The following CAMTA1 variants were observed in gnomAD, a reference collection of about 807,000 sequenced individuals.
CAMTA1 encodes calmodulin binding transcription activator 1.
In CAMTA1, 27 loss-of-function variants were observed where a neutral mutation model predicts 170.9. The observed-to-expected ratio is 0.16, with a 90% CI of 0.12 to 0.22. The LOEUF (loss-of-function observed/expected upper bound fraction) is 0.22. Ranked by LOEUF, CAMTA1 falls within the 10% of genes least tolerant of loss-of-function variation. The pLI, the probability that CAMTA1 is intolerant of heterozygous loss-of-function variation, is 1.00. For synonymous variants in CAMTA1, 833 were observed against 891.5 expected (o/e 0.93, Z 1.17); for missense variants, 1,619 against 2,217.2 (o/e 0.73, Z 5.42).
intron 5 of CAMTA1, among the ~76,000 whole-genome samples, chr1:7,329,024 C>T (rs1427495567): frequency 6.6e-6 from 1 of 152,042 alleles, no homozygotes; most frequent in Non-Finnish European, 1.5e-5. Context: ...TATGACCTTG[C>T]ACTCCAAAAG....
In CAMTA1 at chr1:7,470,318, C is replaced by A. The variant is rs374773693; in HGVS notation, c.510+2417C>A. ...CCCAGAGCCTATGTGGCAGCCGGTG[C>A]CGCTCAGGGCAATTTGTTCTGGTGC... is the stretch of plus-strand genomic sequence containing the variant. On this transcript the variant is annotated intron_variant, in intron 6 of 22. Coordinates refer to ENST00000303635, the MANE Select transcript of CAMTA1 (RefSeq NM_015215.4). Among the ~76,000 whole-genome samples, 47 of 152,358 alleles carry A rather than the reference C, an allele frequency of 3.1e-4. 1 individual carries two copies. The South Asian group carries it at 5.4e-3, about 17-fold the overall frequency.
chr1:7,250,586 T>C (rs1427034102), intron 5 of CAMTA1, among the ~76,000 whole-genome samples: 1 of 152,216 alleles, frequency 6.6e-6, no homozygotes, highest in African/African-American at 2.4e-5. Flanking sequence ...TTGAATTCAA[T>C]GTGTTACCCT....
At chr1:6,903,223 C>G (rs924493275) in intron 3 of CAMTA1, among the ~76,000 whole-genome samples, 25 of 152,252 alleles carry the variant, frequency 1.6e-4, no homozygotes, top group African/African-American at 5.8e-4. Flanking sequence ...CTATGGTGAT[C>G]AAAAGTGTTT....
chr1:6,841,633 G>C lies in CAMTA1; in HGVS notation c.234+16423G>C, dbSNP rs949143879. 4.3e-4 allele frequency among the ~76,000 whole-genome samples: 65 copies of C among 152,070 alleles called. 4 individuals are homozygous for C. Among genetic ancestry groups the C allele is most frequent in the Non-Finnish European group, 1.5e-5 (1 of 68,016 alleles). On this transcript the variant is annotated intron_variant, in intron 3 of 22. Transcript: ENST00000303635. The stretch of plus-strand genomic sequence containing the variant: ...AAGAATTACAAAGGAAAAGCACAGA[G>C]GACAGCTCTGAGAGGATGAAATGGG...
chr1:7,272,708 A>AG (rs1553297800), intron 5 of CAMTA1, among the ~76,000 whole-genome samples: 24 of 147,262 alleles, frequency 1.6e-4, no homozygotes, highest in East Asian at 3.9e-4. Context: ...AAAAAAAAAA[A>AG]AAAAAAAAGA....
chr1:6,802,840 TC>T (rs1644039397), intron 1 of CAMTA1, among the ~76,000 whole-genome samples: 1 of 152,070 alleles, frequency 6.6e-6, no homozygotes, highest in African/African-American at 2.4e-5. Flanking sequence ...GCTCAAGTGA[TC>T]CTCCCACCTC....
intron 1 of CAMTA1, among the ~76,000 whole-genome samples, chr1:6,798,240 G>T (rs188066414): frequency 1.3e-5 from 2 of 151,528 alleles, no homozygotes; most frequent in East Asian, 2.0e-4. Context: ...CACCCACCTC[G>T]GCCTCCCAAA....
At chr1:7,640,652 G>A in intron 7 of CAMTA1, 99 bp downstream of exon 7, 3 of 1,369,234 alleles carry the variant, frequency 2.2e-6, no homozygotes, top group South Asian at 1.2e-5. Context: ...GGGGATGCGG[G>A]TCCGGAGCCC....
At position 7,446,801 on chromosome 1, in the gene CAMTA1, G is replaced by A. The variant is rs528019832; in HGVS notation, c.439-21029G>A. 3.0e-4 allele frequency among the ~76,000 whole-genome samples: 46 copies of A among 152,356 alleles called. No individual in the cohort carries two copies. In the South Asian group the frequency reaches 9.5e-3, roughly 32 times the overall value. Reference sequence around the variant, plus strand: ...AAACCCTTGACATCCCTTCCCCGGGGCTGTGGAGGGGAGGGGTGCTCCCCT... The same window carrying A: ...AAACCCTTGACATCCCTTCCCCGGGACTGTGGAGGGGAGGGGTGCTCCCCT... On this transcript the variant is annotated intron_variant, in intron 5 of 22. Coordinates refer to ENST00000303635, the MANE Select transcript of CAMTA1 (RefSeq NM_015215.4).
chr1:7,032,545 C>T (rs931201307), intron 3 of CAMTA1, among the ~76,000 whole-genome samples: 4 of 151,952 alleles, frequency 2.6e-5, no homozygotes, highest in East Asian at 3.9e-4. Context: ...GTTATAAACC[C>T]TGTGATTTAT....
intron 4 of CAMTA1, among the ~76,000 whole-genome samples, chr1:7,192,013 A>G (rs548431758): frequency 1.0e-4 from 15 of 150,694 alleles, no homozygotes; most frequent in Non-Finnish European, 1.6e-4. Context: ...ATCCTCTTCC[A>G]TTAGCTTGTT....
intron 22 of CAMTA1, 99 bp from the exon 23 acceptor site, chr1:7,766,360 G>T: frequency 9.2e-7 from 1 of 1,084,440 alleles, no homozygotes. Flanking sequence ...TTTAGTCTTG[G>T]CTTTTCAGTT....
Position 7,195,919 on chromosome 1 carries a change from G to A in CAMTA1, c.303-53572G>A, listed in dbSNP as rs992195303. ...CTGTAGTCCCAGCTCTTAGGAGGCT[G>A]AGGCAGGAGAATCACTTGAACCAGG... is the stretch of plus-strand genomic sequence containing the variant. On this transcript the variant is annotated intron_variant, in intron 4 of 22. Coordinates refer to ENST00000303635, the MANE Select transcript of CAMTA1 (RefSeq NM_015215.4). This position sits in a 1 kb window ranked among gnomAD's most constrained non-coding sequence, Gnocchi z 4.1. Among the ~76,000 whole-genome samples, 10 of 152,162 alleles carry A rather than the reference G, an allele frequency of 6.6e-5. No individual in the cohort carries two copies. The highest frequency in any genetic ancestry group is 4.6e-4 in the Admixed American group (7 of 15,278).
intron 4 of CAMTA1, among the ~76,000 whole-genome samples, chr1:7,228,684 G>T (rs1057201321): frequency 7.2e-5 from 11 of 152,238 alleles, no homozygotes; most frequent in African/African-American, 2.7e-4. Flanking sequence ...GGATGGCGTT[G>T]CGGCACAGGA....
At chr1:7,290,221 A>T (rs146345014) in intron 5 of CAMTA1, among the ~76,000 whole-genome samples, 1 of 152,116 alleles carries the variant, frequency 6.6e-6, no homozygotes, top group Admixed American at 6.5e-5. Context: ...GAGGGAAGGG[A>T]TGGGGTGAGG....
rs565509204 is a variant in CAMTA1 at position 7,317,336 on chromosome 1, G to A, written c.438+67710G>A. Among the ~76,000 whole-genome samples the A allele has an allele frequency of 1.4e-3, 209 of 152,328 alleles. 1 individual carries two copies. Among genetic ancestry groups the A allele is most frequent in the African/African-American group, 4.8e-3 (198 of 41,582 alleles). ...TAGCTGTTAGCTGTGGCTGTTGAAA[G>A]GATGACAACTCTGTGATCCACCTGT... On this transcript the variant is annotated intron_variant, in intron 5 of 22. Coordinates refer to ENST00000303635, the MANE Select transcript of CAMTA1 (RefSeq NM_015215.4).
chr1:7,352,734 T>C (rs2084781978), intron 5 of CAMTA1, among the ~76,000 whole-genome samples: 1 of 152,128 alleles, frequency 6.6e-6, no homozygotes. Flanking sequence ...TGGGGTGGGC[T>C]CAGGTTGGGG....
At chr1:7,575,262 T>A (rs1362366271) in intron 6 of CAMTA1, among the ~76,000 whole-genome samples, 2 of 152,236 alleles carry the variant, frequency 1.3e-5, no homozygotes, top group Non-Finnish European at 2.9e-5. Context: ...TAGCCTGAGC[T>A]GTGCCTCTGC....
rs1282982839 is a variant in CAMTA1 at position 7,736,890 on chromosome 1, G to A, written c.3264-41G>A. 3.4e-6 allele frequency: 5 copies of A among 1,462,578 alleles called. No individual in the cohort carries two copies. The highest frequency in any genetic ancestry group is 1.8e-5 in the Admixed American group (1 of 56,726). 90.6% of individuals were successfully genotyped at this position (1,462,578 alleles called of 1,614,324 possible). On this transcript the variant is annotated intron_variant, in intron 13 of 22. Coordinates refer to ENST00000303635, the MANE Select transcript of CAMTA1 (RefSeq NM_015215.4). The surrounding 1 kb of genome is among the most constrained non-coding windows in gnomAD (Gnocchi z 4.5). ...AATATTCTGGTGTTTCCTTTTAACG[G>A]TGGTGAATAGTGTGGTAATTTCTGG...
Sources: gnomAD v4.1 joint callset for allele counts (sites outside exome capture counted in the v4.1 genomes callset) on GRCh38, gnomAD v4.1.1 for gene constraint, Gnocchi (gnomAD v3.1) non-coding constraint, MANE v1.5 for transcripts, NCBI Gene and HGNC (gene_info 2026-07-23, HGNC 2026-07-21) for gene names.